Variants in BMPER observed in about 807,000 individuals in gnomAD.
BMPER encodes the protein BMP binding endothelial regulator.
In BMPER, 45 loss-of-function variants were observed where a neutral mutation model predicts 87.3. The ratio of observed to expected loss-of-function variants is 0.52; its 90% CI spans 0.41 to 0.66. The LOEUF is 0.66. Among genes scored for constraint, BMPER ranks in the 30% least tolerant of loss-of-function variants. The pLI is 0.00. For missense variants in BMPER, 784 were observed against 867.5 expected (o/e 0.90, Z 1.21); for synonymous variants, 326 against 316.2 (o/e 1.03, Z -0.33).
chr7:34,038,652 G>A (rs1787749893), intron 6 of BMPER, among the ~76,000 whole-genome samples: 1 of 152,102 alleles, frequency 6.6e-6, no homozygotes, highest in Non-Finnish European at 1.5e-5. Flanking sequence ...CTCAAGACAG[G>A]GCATTAGTTC....
At chr7:34,125,107 T>A (rs2127990213) in intron 13 of BMPER, among the ~76,000 whole-genome samples, 1 of 152,320 alleles carries the variant, frequency 6.6e-6, no homozygotes, top group African/African-American at 2.4e-5. Flanking sequence ...TGTAAATAGA[T>A]AGTCTATAGT....
intron 3 of BMPER, among the ~76,000 whole-genome samples, 179 bp from the exon 4 acceptor site, chr7:33,966,298 TGA>T (rs776892928): frequency 3.9e-5 from 6 of 152,156 alleles, no homozygotes; most frequent in Non-Finnish European, 8.8e-5. Context: ...TTAATGTAAG[TGA>T]ATGTCAAGTG....
At chr7:34,069,870 C>G (rs1788692779) in intron 11 of BMPER, among the ~76,000 whole-genome samples, 1 of 152,078 alleles carries the variant, frequency 6.6e-6, no homozygotes, top group African/African-American at 2.4e-5. Context: ...TTGCATGGCC[C>G]TTTGATGTGA....
intron 13 of BMPER, among the ~76,000 whole-genome samples, chr7:34,119,791 A>G (rs1337124883): frequency 6.6e-6 from 1 of 152,200 alleles, no homozygotes. Context: ...CTCAAATTGA[A>G]TATCTAGGAA....
At chr7:34,052,025 G>T in intron 8 of BMPER, 55 bp downstream of exon 8, 1 of 1,461,946 alleles carries the variant, frequency 6.8e-7, no homozygotes, top group Non-Finnish European at 9.6e-7. Context: ...GGGTTTCAGT[G>T]TTAACATCAC....
chr7:34,039,483 G>A (rs1787773670), intron 6 of BMPER, among the ~76,000 whole-genome samples: 1 of 152,002 alleles, frequency 6.6e-6, no homozygotes, highest in Non-Finnish European at 1.5e-5. Context: ...GTAGAGGCCA[G>A]GGATGCTGCT....
chr7:34,058,632 C>G (rs923374834), intron 10 of BMPER, among the ~76,000 whole-genome samples: 1 of 152,208 alleles, frequency 6.6e-6, no homozygotes, highest in African/African-American at 2.4e-5. Context: ...AGTTTTCTCT[C>G]TCTAATCCTG....
chr7:33,932,048 A>G (rs1035172028), intron 2 of BMPER, among the ~76,000 whole-genome samples: 2 of 152,166 alleles, frequency 1.3e-5, no homozygotes, highest in Non-Finnish European at 2.9e-5. Context: ...CTCCCGCAGC[A>G]CTGAGTATAG....
At chr7:34,127,992 C>G (rs1344056335) in intron 13 of BMPER, among the ~76,000 whole-genome samples, 2 of 152,140 alleles carry the variant, frequency 1.3e-5, no homozygotes, top group African/African-American at 4.8e-5. Context: ...GTCAGTGACT[C>G]CTTCTGATTA....
intron 6 of BMPER, among the ~76,000 whole-genome samples, chr7:34,007,846 C>A (rs1034015629): frequency 6.6e-6 from 1 of 151,806 alleles, no homozygotes; most frequent in African/African-American, 2.4e-5. Context: ...GATCAAAGAG[C>A]ACATGTATGT....
chr7:34,044,362 G>A (rs1787905537), intron 6 of BMPER, among the ~76,000 whole-genome samples: 1 of 152,218 alleles, frequency 6.6e-6, no homozygotes, highest in South Asian at 2.1e-4. Flanking sequence ...AACAAGAACA[G>A]AGAATATGAA....
intron 13 of BMPER, among the ~76,000 whole-genome samples, chr7:34,111,444 C>T (rs921276502): frequency 6.6e-5 from 10 of 152,142 alleles, no homozygotes; most frequent in Non-Finnish European, 1.3e-4. Context: ...TGTTGATTGG[C>T]TGAGGCTTGA....
At chr7:34,023,427 C>T (rs1442995022) in intron 6 of BMPER, among the ~76,000 whole-genome samples, 1 of 151,968 alleles carries the variant, frequency 6.6e-6, no homozygotes, top group Non-Finnish European at 1.5e-5. Context: ...AGAGGAGAAC[C>T]ACTGCCACCG....
intron 2 of BMPER, among the ~76,000 whole-genome samples, chr7:33,925,912 A>G (rs937849633): frequency 6.6e-6 from 1 of 152,216 alleles, no homozygotes; most frequent in African/African-American, 2.4e-5. Context: ...CGTAGTGTCT[A>G]AAGAACCAGG....
chr7:33,913,620 C>T (rs527524542), intron 2 of BMPER, among the ~76,000 whole-genome samples: 59 of 152,198 alleles, frequency 3.9e-4, no homozygotes, highest in African/African-American at 3.1e-4. Flanking sequence ...AGAGTATTTA[C>T]GTGAATACCA....
chr7:33,996,509 G>A (rs992413003), intron 6 of BMPER, among the ~76,000 whole-genome samples: 8 of 152,134 alleles, frequency 5.3e-5, no homozygotes, highest in Non-Finnish European at 1.0e-4. Flanking sequence ...CATACAGAAG[G>A]CTATGCATAG....
chr7:33,978,708 G>A (rs1349151924), intron 6 of BMPER, among the ~76,000 whole-genome samples: 1 of 152,186 alleles, frequency 6.6e-6, no homozygotes, highest in Non-Finnish European at 1.5e-5. Context: ...GTAAGTTGAA[G>A]ATATCTTAAG....
At chr7:33,996,495 C>T (rs1025299849) in intron 6 of BMPER, among the ~76,000 whole-genome samples, 1 of 152,154 alleles carries the variant, frequency 6.6e-6, no homozygotes, top group African/African-American at 2.4e-5. Flanking sequence ...CAATTATTGC[C>T]CTTCATACAG....
intron 2 of BMPER, among the ~76,000 whole-genome samples, chr7:33,911,524 C>T (rs1783961981): frequency 6.6e-6 from 1 of 152,216 alleles, no homozygotes; most frequent in East Asian, 1.9e-4. Flanking sequence ...TGGTTTTGAT[C>T]TTGCAACCCA....
Sources: gnomAD v4.1 joint callset for allele counts (sites outside exome capture counted in the v4.1 genomes callset) on GRCh38, gnomAD v4.1.1 for gene constraint, MANE v1.5 for transcripts, NCBI Gene and HGNC (gene_info 2026-07-23, HGNC 2026-07-21) for gene names.